The following LSAMP variants were observed in gnomAD, a reference collection of about 807,000 sequenced individuals.
LSAMP encodes the protein limbic system associated membrane protein, also known as limbic system-associated membrane protein.
Under a neutral mutation model 38.6 loss-of-function variants are expected in LSAMP, and 7 were observed. The observed-to-expected ratio is 0.18, with a 90% confidence interval of 0.10 to 0.34. The LOEUF (loss-of-function observed/expected upper bound fraction) is 0.34. LSAMP is among the 10% of genes least tolerant of loss of function. The pLI is 1.00. For missense variants in LSAMP, 313 were observed against 420.0 expected (o/e 0.75, Z 2.23); for synonymous variants, 154 against 166.8 (o/e 0.92, Z 0.59).
At chr3:116,437,953 C>T (rs544234383) in intron 1 of LSAMP, among the ~76,000 whole-genome samples, 1 of 150,728 alleles carries the variant, frequency 6.6e-6, no homozygotes, top group South Asian at 2.1e-4. Context: ...TTCTACATAT[C>T]TATGAGGTTT....
In LSAMP at chr3:116,338,163, C is replaced by T. The variant is rs552811906; in HGVS notation, c.155+106714G>A. Among the ~76,000 whole-genome samples, 7 of 152,092 alleles carry T rather than the reference C, an allele frequency of 4.6e-5. 1 individual carries two copies. The South Asian group carries it at 1.5e-3, about 32-fold the overall frequency. On this transcript the variant is annotated intron_variant, in intron 1 of 6. Coordinates refer to ENST00000490035, the MANE Select transcript of LSAMP (RefSeq NM_002338.5). ...TGGAAAGGATTCTCTTTCATCGTCA[C>T]CTTTTATCCTCCTCTAGACATAGCT...
intron 1 of LSAMP, among the ~76,000 whole-genome samples, chr3:116,277,762 A>G (rs999103353): frequency 1.3e-5 from 2 of 152,172 alleles, no homozygotes; most frequent in Non-Finnish European, 2.9e-5. Flanking sequence ...TTTAACGGTT[A>G]CCTGTTGTAA....
intron 1 of LSAMP, among the ~76,000 whole-genome samples, chr3:116,108,601 G>C (rs1194631120): frequency 6.6e-6 from 1 of 152,218 alleles, no homozygotes; most frequent in Admixed American, 6.5e-5. Flanking sequence ...AAGCCAAGAA[G>C]ATCTGGGAAG....
chr3:115,850,314 C>T (rs1165814540), intron 4 of LSAMP, among the ~76,000 whole-genome samples: 1 of 152,136 alleles, frequency 6.6e-6, no homozygotes, highest in East Asian at 1.9e-4. Flanking sequence ...ATGTTTCACA[C>T]AATGGAAGCA....
intron 1 of LSAMP, among the ~76,000 whole-genome samples, chr3:116,371,156 T>G (rs1045099748): frequency 6.6e-6 from 1 of 152,148 alleles, no homozygotes; most frequent in African/African-American, 2.4e-5. Context: ...TCTCAAACTT[T>G]TCCAAATATT....
intron 1 of LSAMP, among the ~76,000 whole-genome samples, chr3:116,266,018 C>T (rs2107663981): frequency 1.3e-5 from 2 of 151,706 alleles, no homozygotes; most frequent in Middle Eastern, 6.8e-3. Context: ...TGTCTCTTGA[C>T]TTTTTTTTAA....
chr3:116,227,316 C>T (rs900319845), intron 1 of LSAMP, among the ~76,000 whole-genome samples: 2 of 152,138 alleles, frequency 1.3e-5, no homozygotes, highest in African/African-American at 4.8e-5. Flanking sequence ...AGAAATATCT[C>T]CCAGCTAAAG....
At chr3:116,170,715 A>G (rs116638908) in intron 1 of LSAMP, among the ~76,000 whole-genome samples, 2,703 of 152,312 alleles carry the variant, frequency 0.018, 33 homozygotes, top group South Asian at 0.043. Context: ...CAGTGAAATT[A>G]GCATTCAATA....
chr3:116,337,773 G>A (rs2047941031), intron 1 of LSAMP, among the ~76,000 whole-genome samples: 1 of 151,986 alleles, frequency 6.6e-6, no homozygotes, highest in Admixed American at 6.6e-5. Flanking sequence ...CAGGGGCTAG[G>A]TCAGTCCTTC....
intron 1 of LSAMP, among the ~76,000 whole-genome samples, chr3:116,116,018 A>AT (rs149748301): frequency 0.084 from 10,945 of 130,414 alleles, 1,231 homozygotes; most frequent in African/African-American, 0.27. Flanking sequence ...ATTTCCTCTC[A>AT]TTTTTTTTTT....
At chr3:115,848,722 A>G (rs572102104) in intron 4 of LSAMP, among the ~76,000 whole-genome samples, 67 of 152,318 alleles carry the variant, frequency 4.4e-4, no homozygotes, top group African/African-American at 1.1e-3. Flanking sequence ...AGAGACAGAC[A>G]AATAAAGGGA....
chr3:116,009,445 CT>C (rs1434688191), intron 3 of LSAMP, among the ~76,000 whole-genome samples: 2 of 152,156 alleles, frequency 1.3e-5, no homozygotes, highest in African/African-American at 4.8e-5. Context: ...TGTCATCATT[CT>C]GTTCACCTGG....
chr3:116,235,987 G>A (rs34500521), intron 1 of LSAMP, among the ~76,000 whole-genome samples: 34,417 of 151,860 alleles, frequency 0.23, 4,269 homozygotes, highest in African/African-American at 0.31. Context: ...TTACAGGTGC[G>A]GAATAAATTT....
chr3:116,419,800 G>A (rs1174383970), intron 1 of LSAMP, among the ~76,000 whole-genome samples: 1 of 152,146 alleles, frequency 6.6e-6, no homozygotes, highest in African/African-American at 2.4e-5. Context: ...GTATAACTCT[G>A]AGTATTCATC....
At chr3:116,429,806 C>A (rs1204861299) in intron 1 of LSAMP, among the ~76,000 whole-genome samples, 1 of 152,104 alleles carries the variant, frequency 6.6e-6, no homozygotes, top group African/African-American at 2.4e-5. Flanking sequence ...CAGACGACAT[C>A]ATGTTTTACT....
chr3:116,314,680 C>T (rs2047604731), intron 1 of LSAMP, among the ~76,000 whole-genome samples: 1 of 152,160 alleles, frequency 6.6e-6, no homozygotes, highest in East Asian at 1.9e-4. Context: ...TTAGAGCTCC[C>T]CTGCCTGCGT....
At chr3:115,840,438 C>T (rs2972485) in intron 6 of LSAMP, among the ~76,000 whole-genome samples, 29,473 of 151,784 alleles carry the variant, frequency 0.19, 3,455 homozygotes, top group Admixed American at 0.31. Context: ...TATTCTCAAG[C>T]GTCTTAGGGA....
chr3:116,299,618 T>C (rs936295920), intron 1 of LSAMP, among the ~76,000 whole-genome samples: 1 of 152,182 alleles, frequency 6.6e-6, no homozygotes, highest in East Asian at 1.9e-4. Flanking sequence ...CTCTGAAATA[T>C]TTATCTGGCT....
Position 115,869,269 on chromosome 3 carries a change from G to GGGGAGAGAGAGAGAGA in LSAMP, c.515-16653_515-16652insTCTCTCTCTCTCTCCC, listed in dbSNP as rs1352019629. Among the ~76,000 whole-genome samples, 7 of 128,446 alleles carry GGGGAGAGAGAGAGAGA rather than the reference G, an allele frequency of 5.4e-5. No homozygotes were observed. In the Admixed American group the frequency reaches 6.3e-4, roughly 12 times the overall value. The allele number at this position is 128,446 out of a possible 152,430, so 84.3% of individuals were successfully genotyped here. A position where few individuals can be genotyped will look rare whatever the true frequency, so the allele number is the denominator to read the frequency against. On this transcript the variant is annotated intron_variant, in intron 3 of 6. Coordinates refer to ENST00000490035, the MANE Select transcript of LSAMP (RefSeq NM_002338.5). ...CCTTCATAACCTCTATCTTGGAGGG[G>GGGGAGAGAGAGAGAGA]GAGAGAGAGAGAGAGAGAGAGAGAG...
Sources: allele counts gnomAD v4.1 joint callset (sites outside exome capture counted in the v4.1 genomes callset), GRCh38; gene constraint gnomAD v4.1.1; transcripts MANE v1.5; gene names NCBI Gene and HGNC (gene_info 2026-07-23, HGNC 2026-07-21).